Variants in GATB observed in about 807,000 individuals in gnomAD.
GATB encodes glutamyl-tRNA amidotransferase subunit B, also known as glutamyl-tRNA(Gln) amidotransferase subunit B, mitochondrial.
In GATB, 39 loss-of-function variants were observed where a neutral mutation model predicts 62.3. That is an observed-to-expected ratio of 0.63 (90% CI 0.48 to 0.82). The LOEUF is 0.82. Among genes scored for constraint, GATB ranks in the 40% least tolerant of loss-of-function variants. The probability of loss-of-function intolerance (pLI) is 0.00; values close to 1 mark genes in which losing one functional copy is unlikely to be tolerated. For missense variants in GATB, 670 were observed against 684.0 expected (o/e 0.98, Z 0.23); for synonymous variants, 276 against 258.9 (o/e 1.07, Z -0.63).
chr4:151,741,789 TTTG>T (rs1206369310), intron 2 of GATB, among the ~76,000 whole-genome samples: 4 of 152,336 alleles, frequency 2.6e-5, no homozygotes, highest in Admixed American at 6.5e-5. Context: ...CATATTGCTT[TTTG>T]TTGTTCTTTA....
At chr4:151,737,691 C>T (rs1560862413) in intron 2 of GATB, among the ~76,000 whole-genome samples, 1 of 152,150 alleles carries the variant, frequency 6.6e-6, no homozygotes, top group Non-Finnish European at 1.5e-5. Context: ...GGATCAGGCC[C>T]AGGGTGCCCC....
chr4:151,717,521 C>T (rs774622748), intron 3 of GATB, among the ~76,000 whole-genome samples: 4 of 152,224 alleles, frequency 2.6e-5, no homozygotes, highest in East Asian at 1.9e-4. Context: ...ACTCTCCACA[C>T]GGCCAACAGC....
intron 10 of GATB, among the ~76,000 whole-genome samples, chr4:151,685,839 G>A (rs996630982): frequency 2.0e-5 from 3 of 152,152 alleles, no homozygotes; most frequent in African/African-American, 7.2e-5. Flanking sequence ...CTTGAGATCA[G>A]GAGTTCGAGA....
At chr4:151,693,344 C>T (rs921651519) in intron 9 of GATB, among the ~76,000 whole-genome samples, 17 of 152,256 alleles carry the variant, frequency 1.1e-4, no homozygotes, top group Admixed American at 5.9e-4. Flanking sequence ...TCACGGGAAT[C>T]GGTGCCCCTT....
chr4:151,695,260 A>G (rs571798017), intron 9 of GATB, among the ~76,000 whole-genome samples: 1 of 152,260 alleles, frequency 6.6e-6, no homozygotes, highest in South Asian at 2.1e-4. Flanking sequence ...TTTAGATTCA[A>G]TGAAGATTTG....
intron 2 of GATB, among the ~76,000 whole-genome samples, chr4:151,724,842 T>C (rs1739104692): frequency 6.6e-6 from 1 of 152,102 alleles, no homozygotes; most frequent in Non-Finnish European, 1.5e-5. Flanking sequence ...GTCTTATTCT[T>C]CTTTGCCCCA....
chr4:151,721,999 T>C, intron 2 of GATB: 3 of 574,870 alleles, frequency 5.2e-6, no homozygotes, highest in Non-Finnish European at 3.1e-6. Context: ...TTAGAAGCCA[T>C]GAAGTACTTC....
chr4:151,757,467 A>ATT (rs745311470), intron 2 of GATB, among the ~76,000 whole-genome samples: 2,996 of 103,662 alleles, frequency 0.029, 97 homozygotes, highest in Non-Finnish European at 0.036. Context: ...CAGCTTCCAG[A>ATT]TTTTTTTTTT....
At chr4:151,691,279 C>T (rs113147113) in intron 9 of GATB, among the ~76,000 whole-genome samples, 13 of 152,182 alleles carry the variant, frequency 8.5e-5, no homozygotes, top group African/African-American at 1.4e-4. Flanking sequence ...GCAACTTCAG[C>T]GACACAGAGA....
chr4:151,732,326 T>G (rs1007751483), intron 2 of GATB, among the ~76,000 whole-genome samples: 1 of 152,206 alleles, frequency 6.6e-6, no homozygotes, highest in Admixed American at 6.5e-5. Flanking sequence ...TGTTGCTGTG[T>G]CTGTGTAGAA....
Position 151,758,908 on chromosome 4 carries a change from G to A in GATB, c.191C>T (p.Ala64Val), listed in dbSNP as rs145880897. The change falls in exon 2 of 13, where the codon GCT becomes GTT. Residue 64 changes from alanine to valine, a missense_variant. Physicochemically the swap from Ala to Val is moderately conservative, Grantham distance 64. Transcript: ENST00000263985. ...QKTRKGEHKW[A>V]AVVGLEIHAQ... ...ATGAATTTCCAAACCTACCACAGCA[G>A]CCCATTTGTGTTCACTAAGAAGAAA... 1.4e-5 allele frequency: 23 copies of A among 1,605,096 alleles called. No homozygotes were observed. In the African/African-American group the frequency reaches 2.9e-4, roughly 21 times the overall value.
intron 9 of GATB, among the ~76,000 whole-genome samples, chr4:151,695,826 C>T (rs1738457343): frequency 6.6e-6 from 1 of 152,132 alleles, no homozygotes; most frequent in Admixed American, 6.5e-5. Context: ...GGCACGACCA[C>T]AGCTCGCTAC....
chr4:151,735,226 A>C (rs1324725150), intron 2 of GATB, among the ~76,000 whole-genome samples: 1 of 149,828 alleles, frequency 6.7e-6, no homozygotes, highest in East Asian at 1.9e-4. Flanking sequence ...AACTCAAACA[A>C]ATCAGTAAGA....
intron 10 of GATB, among the ~76,000 whole-genome samples, chr4:151,685,667 G>A (rs2126959042): frequency 6.6e-6 from 1 of 152,248 alleles, no homozygotes; most frequent in Admixed American, 6.5e-5. Context: ...AAACTCTTCA[G>A]CACGGCTCCT....
At chr4:151,703,569 T>C in intron 8 of GATB, 1 of 488,654 alleles carries the variant, frequency 2.0e-6, no homozygotes, top group Non-Finnish European at 3.7e-6. Flanking sequence ...GCCATCCTCC[T>C]AGCTCAACTA....
At chr4:151,759,474 C>T (rs959123936) in intron 1 of GATB, among the ~76,000 whole-genome samples, 4 of 152,090 alleles carry the variant, frequency 2.6e-5, no homozygotes, top group Admixed American at 2.0e-4. Flanking sequence ...GACACAGATA[C>T]AATAAATCAC....
intron 10 of GATB, among the ~76,000 whole-genome samples, chr4:151,685,637 T>C (rs906009652): frequency 1.3e-5 from 2 of 152,208 alleles, no homozygotes; most frequent in African/African-American, 4.8e-5. Flanking sequence ...AAGACTCTGG[T>C]AGAGCTGTAT....
chr4:151,687,453 C>T (rs1252021188), intron 10 of GATB, among the ~76,000 whole-genome samples: 2 of 152,220 alleles, frequency 1.3e-5, no homozygotes, highest in Middle Eastern at 3.2e-3. Context: ...GATAATTGCT[C>T]TCAACTTGGC....
At chr4:151,708,887 G>C (rs111821252) in intron 5 of GATB, among the ~76,000 whole-genome samples, 23 of 152,240 alleles carry the variant, frequency 1.5e-4, no homozygotes, top group African/African-American at 4.8e-4. Context: ...GGACTAAAAG[G>C]CTCTTGAGGA....
Sources: allele counts gnomAD v4.1 joint callset (sites outside exome capture counted in the v4.1 genomes callset), GRCh38; gene constraint gnomAD v4.1.1; transcripts MANE v1.5; gene names NCBI Gene and HGNC (gene_info 2026-07-23, HGNC 2026-07-21).